The following ZNF281 variants were observed in gnomAD, a reference collection of about 807,000 sequenced individuals.
The protein encoded by ZNF281 is GC-box-binding zinc finger protein 1.
A neutral mutation model predicts 58.8 loss-of-function variants in ZNF281; 2 were observed. That is an observed-to-expected ratio of 0.03 (90% confidence interval 0.01 to 0.11). The LOEUF is 0.11. Among genes scored for constraint, ZNF281 ranks in the 10% least tolerant of loss-of-function variants. The pLI is 1.00. For synonymous variants in ZNF281, 465 were observed against 407.7 expected, an observed-to-expected ratio of 1.14 and a Z score of -1.69; for missense variants, 975 against 1,090.7, an observed-to-expected ratio of 0.89 and a Z score of 1.49.
rs1369514617 is a variant in ZNF281 at position 200,408,738 on chromosome 1, C to T, written c.968G>A (p.Ser323Asn). ...ATGGTACTTCTGAATAAACTTCATG[C>T]TGCACTGATCACATCCAAATGGCTT... The part of the protein sequence containing the change: ...REKPFGCDQC[S>N]MKFIQKYHME... Residue 323 changes from serine (S) to asparagine (N), a missense_variant, in exon 2 of 2, where the codon AGC becomes AAC. Ser to Asn is a conservative substitution (Grantham distance 46, BLOSUM62 1). Around this residue, in one of 3 missense-constraint regions of ZNF281, gnomAD observed 26 missense variants for 121.0 expected, o/e 0.21. Transcript: ENST00000367353. 6.2e-7 allele frequency: 1 copy of T among 1,614,104 alleles called. No individual in the cohort carries two copies. Among genetic ancestry groups the T allele is most frequent in the East Asian group, 2.2e-5 (1 of 44,892 alleles).
chr1:200,409,779 CG>C (rs1220048525), intron 1 of ZNF281, 56 bp from the exon 2 acceptor site: 1 of 1,512,354 alleles, frequency 6.6e-7, no homozygotes, highest in African/African-American at 1.4e-5. Flanking sequence ...AACCGGGCCC[CG>C]GGCCGGGACC....
chr1:200,409,765 G>T, intron 1 of ZNF281, 42 bp from the exon 2 acceptor site: 1 of 1,549,114 alleles, frequency 6.5e-7, no homozygotes. Context: ...AGGAAAGGAG[G>T]TGGAACCGGG....
Position 200,408,935 on chromosome 1 carries a change from A to C in ZNF281, c.771T>G (p.Ser257Arg). 6.2e-7 allele frequency: 1 copy of C among 1,614,230 alleles called. No homozygotes were observed. Among genetic ancestry groups the C allele is most frequent in the Non-Finnish European group, 8.5e-7 (1 of 1,180,040 alleles). ...AGTGATCACAGATATGAGGTTTCTG[A>C]CTTGGGGAGAGGATGGCACCTTCTC... is the stretch of plus-strand genomic sequence containing the variant. ...GDGEGAILSP[S>R]QKPHICDHCS... Residue 257 changes from serine to arginine, a missense_variant, in exon 2 of 2, where the codon AGT (serine) becomes AGG (arginine). Ser to Arg is a moderately radical substitution (Grantham distance 110). Transcript: ENST00000367353.
rs202154573 is a variant in ZNF281, at chr1:200,409,033, T to G, written c.673A>C (p.Lys225Gln). The G allele has an allele frequency of 3.1e-5, 50 of 1,614,246 alleles. No homozygotes were observed. Among genetic ancestry groups the G allele is most frequent in the Non-Finnish European group, 3.4e-6 (4 of 1,180,038 alleles). The change falls in exon 2 of 2, where the codon AAG becomes CAG. Residue 225 changes from lysine to glutamine, a missense_variant. Lys to Gln is a moderately conservative substitution (Grantham distance 53). This residue lies in a region of ZNF281 where 370 missense variants were observed against 360.9 expected (regional missense o/e 1.03). Coordinates refer to ENST00000367353, the MANE Select transcript of ZNF281 (RefSeq NM_001281293.2). ...GCTTTGATTCCCTGAGATTCTGGCT[T>G]TGGCCTTTTTGCCTTTTTGACATTA... ...DTNVKKAKRP[K>Q]PESQGIKAKR...
In ZNF281 at chr1:200,407,787, TCTC is replaced by T; in HGVS notation, c.1916_1918del (p.Gly639del). The stretch of plus-strand genomic sequence containing the variant: ...TTCTTCTTGAACCAATTCTGAGTGT[TCTC>T]CTGAGGTGTGTAAATCCACTCGTGG... On this transcript the variant is annotated inframe_deletion, in exon 2 of 2. Transcript: ENST00000367353. 6.2e-7 allele frequency: 1 copy of T among 1,614,186 alleles called. No homozygotes were observed. The highest frequency in any genetic ancestry group is 8.5e-7 in the Non-Finnish European group (1 of 1,180,026).
In ZNF281 at chr1:200,409,549, A is replaced by G. The variant is rs1180346691; in HGVS notation, c.157T>C (p.Phe53Leu). 2.6e-6 allele frequency: 4 copies of G among 1,549,544 alleles called. No homozygotes were observed. The highest frequency in any genetic ancestry group is 2.7e-5 in the African/African-American group (2 of 72,850). Residue 53 changes from phenylalanine (F) to leucine (L), a missense_variant, in exon 2 of 2, where the codon TTC (phenylalanine) becomes CTC (leucine). Coordinates refer to ENST00000367353, the MANE Select transcript of ZNF281 (RefSeq NM_001281293.2). ...EPTFPQGMVM[F>L]NHRLPPVTSF... Reference sequence around the variant, plus strand: ...GTGACCGGGGGAAGACGGTGGTTGAACATAACCATACCCTGGGGAAAGGTG... The same window carrying G: ...GTGACCGGGGGAAGACGGTGGTTGAGCATAACCATACCCTGGGGAAAGGTG...
At chr1:200,409,787 G>C (rs1215085033) in intron 1 of ZNF281, 64 bp from the exon 2 acceptor site, 1 of 1,502,190 alleles carries the variant, frequency 6.7e-7, no homozygotes, top group Non-Finnish European at 8.9e-7. Flanking sequence ...CCCGGGCCGG[G>C]ACCACCGCAG....
rs1654560845 is a variant in ZNF281, at chr1:200,409,598, G to A, written c.108C>T (p.Ser36=). 5.2e-6 allele frequency: 8 copies of A among 1,549,120 alleles called. No homozygotes were observed. Among genetic ancestry groups the A allele is most frequent in the Non-Finnish European group, 7.0e-6 (8 of 1,146,884 alleles). Residue 36 remains serine, a synonymous_variant, in exon 2 of 2, where the codon AGC becomes AGT. Transcript: ENST00000367353. ...TGGGTTCCATCTCTGCCCTCCTGCC[G>A]CTGCTGCCGCCGCCGCCGCCGCCGC... ...GSGGGGGGGS[S]GRRAEMEPTF...
chr1:200,407,199 C>T lies in ZNF281; in HGVS notation c.2507G>A (p.Gly836Asp). 6.2e-7 allele frequency: 1 copy of T among 1,614,218 alleles called. No homozygotes were observed. Among genetic ancestry groups the T allele is most frequent in the Non-Finnish European group, 8.5e-7 (1 of 1,180,032 alleles). The change falls in exon 2 of 2, where the codon GGT (glycine) becomes GAT (aspartate). Residue 836 changes from glycine to aspartate, a missense_variant. Physicochemically the swap from Gly to Asp is moderately conservative, Grantham distance 94. This residue lies in a region of ZNF281 where 579 missense variants were observed against 608.9 expected (regional missense o/e 0.95). Coordinates refer to ENST00000367353, the MANE Select transcript of ZNF281 (RefSeq NM_001281293.2). Reference protein sequence around the residue: ...YQIENFAQAFGSQFKSGSRVP... With the variant: ...YQIENFAQAFDSQFKSGSRVP... ...CCTGCTGCCCGACTTAAACTGAGAA[C>T]CAAACGCTTGTGCAAAGTTCTCAAT...
At position 200,408,493 on chromosome 1, in the gene ZNF281, T is replaced by C; in HGVS notation, c.1213A>G (p.Lys405Glu). The C allele has an allele frequency of 4.3e-6, 7 of 1,614,226 alleles. No homozygotes were observed. Among genetic ancestry groups the C allele is most frequent in the Non-Finnish European group, 5.1e-6 (6 of 1,180,038 alleles). Residue 405 changes from lysine (K) to glutamate (E), a missense_variant, in exon 2 of 2, where the codon AAA (lysine) becomes GAA (glutamate). By Grantham distance (56) the Lys-to-Glu change is moderately conservative (BLOSUM62 1). Coordinates refer to ENST00000367353, the MANE Select transcript of ZNF281 (RefSeq NM_001281293.2). ...ATAGCTATGCTTTTTGACTTTGTTTTTCTCCTTGAAGAACTTGTATTTCCC... is the reference window on the plus strand; with the variant it reads ...ATAGCTATGCTTTTTGACTTTGTTTCTCTCCTTGAAGAACTTGTATTTCCC... ...SQGNTSSSRRKTKSKSIAIEN... is the reference protein window; with the variant it reads ...SQGNTSSSRRETKSKSIAIEN...
Position 200,409,026 on chromosome 1 carries a change from T to G in ZNF281, c.680A>C (p.Glu227Ala). 2 of 1,614,262 alleles carry G rather than the reference T, an allele frequency of 1.2e-6. No homozygotes were observed. Among genetic ancestry groups the G allele is most frequent in the Non-Finnish European group, 1.7e-6 (2 of 1,180,046 alleles). The change falls in exon 2 of 2, where the codon GAA becomes GCA. Residue 227 changes from glutamate to alanine, a missense_variant. Around this residue, in one of 3 missense-constraint regions of ZNF281, gnomAD observed 370 missense variants for 360.9 expected, o/e 1.03. Transcript: ENST00000367353. ...CCTCTTGGCTTTGATTCCCTGAGAT[T>G]CTGGCTTTGGCCTTTTTGCCTTTTT... ...NVKKAKRPKP[E>A]SQGIKAKRKP...
rs1558005948 is a variant in ZNF281, at chr1:200,409,261, A to AGTGGTGGTGGTGATG, written c.430_444dup (p.His144_His148dup). ...TCAGCTCCAGCGAACAGCCCCCCAT[A>AGTGGTGGTGGTGATG]GTGGTGGTGGTGATGGTGGTGGTGG... On this transcript the variant is annotated inframe_insertion, in exon 2 of 2. Transcript: ENST00000367353. 1.2e-6 allele frequency: 2 copies of AGTGGTGGTGGTGATG among 1,612,832 alleles called. No homozygotes were observed. Among genetic ancestry groups the AGTGGTGGTGGTGATG allele is most frequent in the East Asian group, 2.2e-5 (1 of 44,866 alleles).
At position 200,408,568 on chromosome 1, in the gene ZNF281, G is replaced by A. The variant is rs762046300; in HGVS notation, c.1138C>T (p.Pro380Ser). Residue 380 changes from proline (P) to serine (S), a missense_variant, in exon 2 of 2, where the codon CCT (proline) becomes TCT (serine). Physicochemically the swap from Pro to Ser is moderately conservative, Grantham distance 74 (BLOSUM62 -1). Transcript: ENST00000367353. The stretch of plus-strand genomic sequence containing the variant: ...ATATTGGTATGGTTTGATGACCCAG[G>A]TTCTGCACTAGTGGCTCCTTTAACT... ...VIVKGATSAEPGSSNHTNMGN... is the reference protein window; with the variant it reads ...VIVKGATSAESGSSNHTNMGN... The A allele has an allele frequency of 6.2e-7, 1 of 1,614,188 alleles. No homozygotes were observed. The highest frequency in any genetic ancestry group is 1.1e-5 in the South Asian group (1 of 91,076).
chr1:200,409,529 C>G lies in ZNF281; in HGVS notation c.177G>C (p.Pro59=). ...GMVMFNHRLP[P]VTSFTRPAGS... ...CCGCCGGCCGGGTGAAGCTGGTGACCGGGGGAAGACGGTGGTTGAACATAA... is the reference window on the plus strand; with the variant it reads ...CCGCCGGCCGGGTGAAGCTGGTGACGGGGGGAAGACGGTGGTTGAACATAA... The change falls in exon 2 of 2, where the codon CCG becomes CCC. Residue 59 remains proline (P), a synonymous_variant. Coordinates refer to ENST00000367353, the MANE Select transcript of ZNF281 (RefSeq NM_001281293.2). 6.5e-7 allele frequency: 1 copy of G among 1,549,538 alleles called. No homozygotes were observed. The highest frequency in any genetic ancestry group is 8.7e-7 in the Non-Finnish European group (1 of 1,146,584).
In ZNF281 at chr1:200,408,959, T is replaced by C; in HGVS notation, c.747A>G (p.Gly249=). Residue 249 remains glycine (G), a synonymous_variant, in exon 2 of 2, where the codon GGA becomes GGG. Transcript: ENST00000367353. The part of the protein sequence containing the change: ...ASSKPSLVGD[G]EGAILSPSQK... ...GACTTGGGGAGAGGATGGCACCTTC[T>C]CCATCTCCAACCAAAGAAGGTTTGG... 1.2e-6 allele frequency: 2 copies of C among 1,614,256 alleles called. No homozygotes were observed. The highest frequency in any genetic ancestry group is 1.7e-6 in the Non-Finnish European group (2 of 1,180,034).
In ZNF281 at chr1:200,409,434, G is replaced by T. The variant is rs1211332104; in HGVS notation, c.272C>A (p.Pro91His). 3.3e-6 allele frequency: 5 copies of T among 1,524,056 alleles called. No homozygotes were observed. Among genetic ancestry groups the T allele is most frequent in the Non-Finnish European group, 4.4e-6 (5 of 1,132,524 alleles). The allele number at this position is 1,524,056 out of a possible 1,614,324, so 94.4% of individuals were successfully genotyped here. Residue 91 changes from proline to histidine, a missense_variant, in exon 2 of 2, where the codon CCC becomes CAC. Transcript: ENST00000367353. ...AGTCATGTCCGGGGCTGGCGGAGGG[G>T]GGGGCTCAGCGGCCGGGGCTGCGGA... The part of the protein sequence containing the change: ...STSAAPAAEP[P>H]PPPAPDMTFK...
rs17855043 is a variant in ZNF281 at position 200,408,428 on chromosome 1, C to T, written c.1278G>A (p.Ser426=). 13 of 1,613,736 alleles carry T rather than the reference C, an allele frequency of 8.1e-6. No homozygotes were observed. Among genetic ancestry groups the T allele is most frequent in the African/African-American group, 2.7e-5 (2 of 74,834 alleles). The part of the protein sequence containing the change: ...KEQKTGKTNE[S]QISNNINMQS... ...GCATGTTTATATTATTTGAAATTTG[C>T]GATTCATTTGTTTTACCGGTCTTCT... The change falls in exon 2 of 2, where the codon TCG becomes TCA. Residue 426 remains serine (S), a synonymous_variant. Transcript: ENST00000367353.
At position 200,409,735 on chromosome 1, in the gene ZNF281, A is replaced by C. The variant is rs111562895; in HGVS notation, c.-18-12T>G. 9,443 of 1,590,142 alleles carry C rather than the reference A, an allele frequency of 5.9e-3. 478 individuals are homozygous for C. In the African/African-American group the frequency reaches 0.11, roughly 18 times the overall value. On this transcript the variant is annotated splice_polypyrimidine_tract_variant and intron_variant, in intron 1 of 1. Transcript: ENST00000367353. ...CGGAGGAGGCCTGGCTGAAGAAAGG[A>C]GGAGGAAGAGGGAAGAGGGAGGAAA...
Position 200,408,050 on chromosome 1 carries a change from G to A in ZNF281, c.1656C>T (p.Ala552=), listed in dbSNP as rs553650337. The change falls in exon 2 of 2, where the codon GCC becomes GCT. Residue 552 remains alanine (A), a synonymous_variant. Coordinates refer to ENST00000367353, the MANE Select transcript of ZNF281 (RefSeq NM_001281293.2). ...RYLPTASSNS[A]FSINVGHMVS... is the part of the protein sequence containing the mutation. ...CCATGTGTCCTACGTTTATAGAAAA[G>A]GCACTGTTGCTGCTGGCAGTTGGTA... 3 of 1,614,150 alleles carry A rather than the reference G, an allele frequency of 1.9e-6. No homozygotes were observed. The highest frequency in any genetic ancestry group is 1.3e-5 in the African/African-American group (1 of 75,016).
Sources: gnomAD v4.1 joint callset for allele counts on GRCh38, gnomAD v4.1.1 for gene constraint, gnomAD v4.1.1 regional missense constraint, MANE v1.5 for transcripts, NCBI Gene and HGNC (gene_info 2026-07-23, HGNC 2026-07-21) for gene names.